Variants in XCR1 observed in about 807,000 individuals in gnomAD.
The protein encoded by XCR1 is chemokine XC receptor 1.
For synonymous variants in XCR1, 187 were observed against 188.5 expected, an observed-to-expected ratio of 0.99 and a Z score of 0.06; for missense variants, 356 against 424.2, an observed-to-expected ratio of 0.84 and a Z score of 1.41.
At chr3:46,045,700 TA>T (rs944964079) in intron 5 of XCR1, among the ~76,000 whole-genome samples, 4 of 152,162 alleles carry the variant, frequency 2.6e-5, no homozygotes, top group Non-Finnish European at 5.9e-5. Flanking sequence ...GGCTATTAGT[TA>T]AAAGGTTAAA....
In XCR1 at chr3:46,021,362, G is replaced by A. The variant is rs764295381; in HGVS notation, c.586C>T (p.Leu196=). ...SVYQHNLFFL[L]SLGIILFCYV... is the part of the protein sequence containing the mutation. The stretch of plus-strand genomic sequence containing the variant: ...CAGAACAGGATAATCCCCAGGGACA[G>A]CAGGAAGAAGAGGTTGTGCTGGTAG... The change falls in exon 2 of 2, where the codon CTG becomes TTG. Residue 196 remains leucine, a synonymous_variant. Coordinates refer to ENST00000309285, the MANE Select transcript of XCR1 (RefSeq NM_001024644.2). This position sits in a 1 kb window ranked among gnomAD's most constrained non-coding sequence, Gnocchi z 4.7. 6.2e-7 allele frequency: 1 copy of A among 1,614,212 alleles called. No individual in the cohort carries two copies. Among genetic ancestry groups the A allele is most frequent in the Admixed American group, 1.7e-5 (1 of 60,036 alleles).
intron 4 of XCR1, among the ~76,000 whole-genome samples, chr3:46,058,299 G>A (rs1487369035): frequency 2.0e-5 from 3 of 152,138 alleles, no homozygotes; most frequent in African/African-American, 7.2e-5. Flanking sequence ...TCAAAATAAG[G>A]TGTATAGTGA....
chr3:46,045,387 G>A (rs547683840), intron 5 of XCR1, among the ~76,000 whole-genome samples: 3 of 151,058 alleles, frequency 2.0e-5, no homozygotes, highest in South Asian at 2.1e-4. Flanking sequence ...ACTCCATCTT[G>A]GGAAAAAAAA....
chr3:46,024,099 A>G (rs1708236795), intron 1 of XCR1: 1 of 797,932 alleles, frequency 1.3e-6, no homozygotes, highest in Non-Finnish European at 2.2e-6. Context: ...TTACATCTCC[A>G]GAACTTCCCC....
At chr3:46,023,344 C>T (rs925738898) in intron 1 of XCR1, 10 of 1,318,152 alleles carry the variant, frequency 7.6e-6, no homozygotes, top group South Asian at 3.7e-5. Flanking sequence ...GCAGAGCAGA[C>T]GAGCCGACCG....
chr3:46,058,849 G>A lies in XCR1; in HGVS notation c.-182-4779C>T, dbSNP rs560886561. Among the ~76,000 whole-genome samples the A allele has an allele frequency of 1.9e-3, 284 of 152,326 alleles. 2 individuals are homozygous for A. Among genetic ancestry groups the A allele is most frequent in the Non-Finnish European group, 3.6e-3 (242 of 68,018 alleles). ...CAAAGTGCTGGGATTACAAGTGTGAGCCATGATGACCGGCCATAGGGTGTC... is the reference window on the plus strand; with the variant it reads ...CAAAGTGCTGGGATTACAAGTGTGAACCATGATGACCGGCCATAGGGTGTC... On this transcript the variant is annotated intron_variant, in intron 4 of 5. Transcript: ENST00000683768.
intron 3 of XCR1, among the ~76,000 whole-genome samples, chr3:46,068,890 C>G (rs1698120673): frequency 6.6e-6 from 1 of 152,000 alleles, no homozygotes; most frequent in Admixed American, 6.6e-5. Flanking sequence ...GGTTTTCCTT[C>G]CAGCATGAAA....
intron 4 of XCR1, among the ~76,000 whole-genome samples, chr3:46,064,203 G>A (rs1575435107): frequency 6.6e-6 from 1 of 152,132 alleles, no homozygotes; most frequent in Non-Finnish European, 1.5e-5. Flanking sequence ...AATAATACCA[G>A]TATTCAACAT....
chr3:46,027,487 G>C (rs1708319355), upstream of XCR1: 1 of 152,236 alleles, frequency 6.6e-6, no homozygotes, highest in South Asian at 2.1e-4. Flanking sequence ...TTCACTTAAA[G>C]AAACTGAAAC....
chr3:46,058,380 T>G (rs1401218317), intron 4 of XCR1, among the ~76,000 whole-genome samples: 1 of 152,176 alleles, frequency 6.6e-6, no homozygotes, highest in African/African-American at 2.4e-5. Context: ...GGCTTCAAAT[T>G]GCCAGCTGAG....
At chr3:46,054,118 G>A (rs1159632493) in intron 4 of XCR1, among the ~76,000 whole-genome samples, 4 of 152,164 alleles carry the variant, frequency 2.6e-5, no homozygotes, top group African/African-American at 7.2e-5. Flanking sequence ...AGACAAAAGA[G>A]CATATTTGGA....
chr3:46,059,320 A>G (rs1401683987), intron 4 of XCR1, among the ~76,000 whole-genome samples: 1 of 152,222 alleles, frequency 6.6e-6, no homozygotes, highest in African/African-American at 2.4e-5. Flanking sequence ...GTTCAGGTGT[A>G]GCAATACATC....
chr3:46,051,899 G>A (rs1697752116), intron 5 of XCR1, among the ~76,000 whole-genome samples: 2 of 152,252 alleles, frequency 1.3e-5, no homozygotes, highest in South Asian at 2.1e-4. Flanking sequence ...GGTGGCGGGC[G>A]CCTGTAGTCC....
rs147987229 is a variant in XCR1 at position 46,051,156 on chromosome 3, T to C, written c.-32+2764A>G. On this transcript the variant is annotated intron_variant, in intron 5 of 5. Coordinates refer to the XCR1 transcript ENST00000683768. Reference sequence around the variant, plus strand: ...ACGCTCTAGCTGCTTTTCTATCTGTTTTTCCAGTTACTGATAACAGATTAG... The same window carrying C: ...ACGCTCTAGCTGCTTTTCTATCTGTCTTTCCAGTTACTGATAACAGATTAG... 3.1e-3 allele frequency among the ~76,000 whole-genome samples: 475 copies of C among 152,294 alleles called. 3 individuals carry two copies. The highest frequency in any genetic ancestry group is 0.014 in the Admixed American group (220 of 15,298).
chr3:46,064,646 C>T (rs917708539), intron 4 of XCR1, among the ~76,000 whole-genome samples: 12 of 152,218 alleles, frequency 7.9e-5, no homozygotes, highest in South Asian at 4.1e-4. Context: ...CCACCACTTT[C>T]GAAGTGCGAC....
chr3:46,063,861 T>TC (rs1278312722), intron 4 of XCR1, among the ~76,000 whole-genome samples: 2 of 152,188 alleles, frequency 1.3e-5, no homozygotes, highest in African/African-American at 4.8e-5. Context: ...AAATCTTTTT[T>TC]CCCAATGGTT....
chr3:46,064,000 G>A (rs1698014490), intron 4 of XCR1, among the ~76,000 whole-genome samples: 1 of 152,048 alleles, frequency 6.6e-6, no homozygotes, highest in Non-Finnish European at 1.5e-5. Context: ...AACCTCCCTA[G>A]TAGCTGGGAC....
intron 5 of XCR1, among the ~76,000 whole-genome samples, chr3:46,047,819 G>A (rs1316627520): frequency 2.0e-5 from 3 of 152,152 alleles, no homozygotes; most frequent in Admixed American, 6.5e-5. Context: ...TCTGATTTTT[G>A]TCTTTTCCAT....
intron 5 of XCR1, among the ~76,000 whole-genome samples, chr3:46,052,158 A>G (rs774153304): frequency 6.6e-6 from 1 of 152,206 alleles, no homozygotes; most frequent in Non-Finnish European, 1.5e-5. Flanking sequence ...CCTGCTGGTA[A>G]ATGTCCCCAA....
Sources: gnomAD v4.1 joint callset for allele counts (sites outside exome capture counted in the v4.1 genomes callset) on GRCh38, gnomAD v4.1.1 for gene constraint, Gnocchi (gnomAD v3.1) non-coding constraint, MANE v1.5 for transcripts, NCBI Gene and HGNC (gene_info 2026-07-23, HGNC 2026-07-21) for gene names.